The following EBF1 variants were observed in gnomAD, a reference collection of about 807,000 sequenced individuals.
EBF1 encodes the protein transcription factor COE1.
Under a neutral mutation model 68.4 loss-of-function variants are expected in EBF1, and 10 were observed. That is an observed-to-expected ratio of 0.15 (90% CI 0.09 to 0.25). The LOEUF (loss-of-function observed/expected upper bound fraction) is 0.25. Among genes scored for constraint, EBF1 ranks in the 10% least tolerant of loss-of-function variants. The probability of loss-of-function intolerance (pLI) is 1.00; values close to 1 mark genes in which losing one functional copy is unlikely to be tolerated. For synonymous variants in EBF1, 298 were observed against 299.8 expected (o/e 0.99, Z 0.06); for missense variants, 509 against 794.4 (o/e 0.64, Z 4.32).
intron 11 of EBF1, among the ~76,000 whole-genome samples, chr5:158,715,833 C>A (rs1760562800): frequency 6.6e-6 from 1 of 152,204 alleles, no homozygotes; most frequent in Non-Finnish European, 1.5e-5. Context: ...TTGGCTTTAT[C>A]TGGCTCTTAG....
Position 158,825,707 on chromosome 5 carries a change from T to C in EBF1, c.637-2390A>G, listed in dbSNP as rs188476611. Among the ~76,000 whole-genome samples, 3 of 152,210 alleles carry C rather than the reference T, an allele frequency of 2.0e-5. No individual in the cohort carries two copies. In the East Asian group the frequency reaches 5.8e-4, roughly 29 times the overall value. ...CACCAGGGCCACATGTGTGATAGAA[T>C]CATTTGGCTGAAATGCCAATCAAAA... On this transcript the variant is annotated intron_variant, in intron 7 of 15. Transcript: ENST00000313708.
chr5:159,053,315 A>T lies in EBF1; in HGVS notation c.554+20081T>A, dbSNP rs554647692. On this transcript the variant is annotated intron_variant, in intron 6 of 15. Transcript: ENST00000313708. ...AAGGATTAAATGAGAGAATACCCAG[A>T]ATTCAGCTAATATGTGGCTTCATAA... 7.9e-4 allele frequency among the ~76,000 whole-genome samples: 120 copies of T among 152,292 alleles called. 2 individuals carry two copies. Among genetic ancestry groups the T allele is most frequent in the Admixed American group, 7.8e-3 (120 of 15,298 alleles).
At chr5:159,010,993 A>G (rs897427852) in intron 6 of EBF1, among the ~76,000 whole-genome samples, 4 of 152,220 alleles carry the variant, frequency 2.6e-5, no homozygotes, top group African/African-American at 9.6e-5. Context: ...CACACACCAT[A>G]AAACAGTAGA....
intron 6 of EBF1, among the ~76,000 whole-genome samples, chr5:159,045,632 A>G (rs368930701): frequency 3.3e-5 from 5 of 152,188 alleles, no homozygotes; most frequent in African/African-American, 1.2e-4. Context: ...TTAATGAATG[A>G]TTCAAATAGA....
chr5:159,055,241 G>T (rs887459297), intron 6 of EBF1, among the ~76,000 whole-genome samples: 3 of 152,186 alleles, frequency 2.0e-5, no homozygotes, highest in Non-Finnish European at 4.4e-5. Flanking sequence ...TCCAATGTCA[G>T]ATATGAGAGG....
chr5:158,893,823 A>G lies in EBF1; in HGVS notation c.555-53713T>C, dbSNP rs183753815. On this transcript the variant is annotated intron_variant, in intron 6 of 15. Coordinates refer to ENST00000313708, the MANE Select transcript of EBF1 (RefSeq NM_024007.5). ...CCCATTTATCTTCAGCTTTCTTTCTAGACAGTCCAGTCAGGGCAAGCAAGC... is the reference window on the plus strand; with the variant it reads ...CCCATTTATCTTCAGCTTTCTTTCTGGACAGTCCAGTCAGGGCAAGCAAGC... 5.8e-4 allele frequency among the ~76,000 whole-genome samples: 88 copies of G among 152,310 alleles called. No individual in the cohort carries two copies. The East Asian group carries it at 0.014, about 23-fold the overall frequency.
rs1045448821 is a variant in EBF1, at chr5:158,950,022, C to G, written c.555-109912G>C. ...CTTTTAAGCAATTCCCAGTGGTGTA[C>G]AGTGGTGCCTGTTCACAGATGTTTC... On this transcript the variant is annotated intron_variant, in intron 6 of 15. Transcript: ENST00000313708. 2.6e-5 allele frequency among the ~76,000 whole-genome samples: 4 copies of G among 152,200 alleles called. No homozygotes were observed. In the South Asian group the frequency reaches 8.3e-4, roughly 32 times the overall value.
At chr5:159,051,255 G>A (rs367803916) in intron 6 of EBF1, among the ~76,000 whole-genome samples, 5 of 151,676 alleles carry the variant, frequency 3.3e-5, no homozygotes, top group African/African-American at 1.2e-4. Flanking sequence ...GAGATGTCAC[G>A]GGGAGGGCAC....
At chr5:159,027,981 G>T (rs1768026307) in intron 6 of EBF1, among the ~76,000 whole-genome samples, 1 of 152,122 alleles carries the variant, frequency 6.6e-6, no homozygotes, top group Non-Finnish European at 1.5e-5. Flanking sequence ...AAGCTTGCAA[G>T]GGAAAAAATG....
intron 6 of EBF1, among the ~76,000 whole-genome samples, chr5:158,866,872 T>C (rs1438153701): frequency 6.5e-5 from 4 of 61,086 alleles, no homozygotes; most frequent in African/African-American, 1.9e-4. Flanking sequence ...TATATATATA[T>C]ATATATATAT....
intron 10 of EBF1, among the ~76,000 whole-genome samples, chr5:158,768,702 A>G (rs1166006322): frequency 1.3e-5 from 2 of 152,182 alleles, no homozygotes; most frequent in Admixed American, 6.5e-5. Context: ...AACACAGATA[A>G]GTAAAACGAA....
At chr5:158,935,149 C>G (rs182153606) in intron 6 of EBF1, among the ~76,000 whole-genome samples, 320 of 152,300 alleles carry the variant, frequency 2.1e-3, no homozygotes, top group Middle Eastern at 3.4e-3. Flanking sequence ...AATGGAGGTG[C>G]TCGGGCAGGC....
rs563883301 is a variant in EBF1, at chr5:158,971,956, A to G, written c.554+101440T>C. ...GGAACCAGAAGAAGGACACTCATGT[A>G]TGGGTAACAAAGCATTTGAATGTGA... On this transcript the variant is annotated intron_variant, in intron 6 of 15. Transcript: ENST00000313708. 5.9e-5 allele frequency among the ~76,000 whole-genome samples: 9 copies of G among 152,376 alleles called. No homozygotes were observed. In the South Asian group the frequency reaches 1.9e-3, roughly 32 times the overall value.
chr5:158,844,459 A>G (rs1208843180), intron 6 of EBF1, among the ~76,000 whole-genome samples: 1 of 152,206 alleles, frequency 6.6e-6, no homozygotes, highest in Non-Finnish European at 1.5e-5. Flanking sequence ...TCGTAAATTG[A>G]CCGAAAGGAC....
intron 6 of EBF1, among the ~76,000 whole-genome samples, chr5:158,903,809 C>T (rs1253526725): frequency 1.3e-5 from 2 of 152,056 alleles, no homozygotes; most frequent in Non-Finnish European, 2.9e-5. Context: ...AGCAATATTC[C>T]TTCTCCTTGT....
chr5:159,091,503 T>C (rs866654326), intron 4 of EBF1, among the ~76,000 whole-genome samples: 1 of 152,206 alleles, frequency 6.6e-6, no homozygotes, highest in Non-Finnish European at 1.5e-5. Context: ...AAACTTGCTG[T>C]GTCCTTTTTT....
intron 15 of EBF1, among the ~76,000 whole-genome samples, chr5:158,706,228 G>C (rs1344773432): frequency 6.6e-6 from 1 of 151,638 alleles, no homozygotes; most frequent in Non-Finnish European, 1.5e-5. Flanking sequence ...TAAGAAGATG[G>C]ATTTGCCACT....
chr5:159,074,497 T>G (rs1390887099), intron 5 of EBF1, among the ~76,000 whole-genome samples: 1 of 152,168 alleles, frequency 6.6e-6, no homozygotes, highest in Non-Finnish European at 1.5e-5. Flanking sequence ...CACACACACG[T>G]GTACACAGAG....
intron 5 of EBF1, among the ~76,000 whole-genome samples, chr5:159,074,675 C>T (rs1055048421): frequency 7.2e-5 from 11 of 152,240 alleles, no homozygotes; most frequent in African/African-American, 2.4e-4. Flanking sequence ...CTTGCCATAA[C>T]TATGCCTCTG....
Sources: gnomAD v4.1 joint callset for allele counts (sites outside exome capture counted in the v4.1 genomes callset) on GRCh38, gnomAD v4.1.1 for gene constraint, MANE v1.5 for transcripts, NCBI Gene and HGNC (gene_info 2026-07-23, HGNC 2026-07-21) for gene names.